NID1: variants seen among roughly 807,000 people sequenced by gnomAD.
NID1 encodes the protein nidogen 1, also known as nidogen-1.
A neutral mutation model predicts 130.6 loss-of-function variants in NID1; 76 were observed. The ratio of observed to expected loss-of-function variants is 0.58; its 90% CI spans 0.48 to 0.70. The LOEUF (loss-of-function observed/expected upper bound fraction) is 0.70, where lower values mean the gene tolerates loss of function less well. Ranked by LOEUF, NID1 falls within the 30% of genes least tolerant of loss-of-function variation. The probability of loss-of-function intolerance (pLI) is 0.00; values close to 1 mark genes in which losing one functional copy is unlikely to be tolerated. For missense variants in NID1, 1,517 were observed against 1,664.8 expected, an observed-to-expected ratio of 0.91 and a Z score of 1.54; for synonymous variants, 665 against 675.1, an observed-to-expected ratio of 0.98 and a Z score of 0.23.
intron 2 of NID1, among the ~76,000 whole-genome samples, chr1:236,046,487 T>A (rs1572618247): frequency 6.6e-6 from 1 of 151,708 alleles, no homozygotes; most frequent in Non-Finnish European, 1.5e-5. Flanking sequence ...CTGTGGTTGG[T>A]CAAGGCCTCA....
At position 235,995,370 on chromosome 1, in the gene NID1, C is replaced by A. The variant is rs1267585715; in HGVS notation, c.2528-1498G>T. ...GACTTGAGTACCTGTGGATTGGTAT[C>A]TTCAGGAACCAATGCCCCGTGGATA... On this transcript the variant is annotated intron_variant, in intron 12 of 19. Coordinates refer to ENST00000264187, the MANE Select transcript of NID1 (RefSeq NM_002508.3). Among the ~76,000 whole-genome samples, 3 of 152,192 alleles carry A rather than the reference C, an allele frequency of 2.0e-5. 1 individual carries two copies. The highest frequency in any genetic ancestry group is 2.0e-4 in the Admixed American group (3 of 15,282).
chr1:236,018,167 C>T (rs564995055), intron 9 of NID1, among the ~76,000 whole-genome samples: 5 of 152,218 alleles, frequency 3.3e-5, no homozygotes, highest in East Asian at 1.9e-4. Flanking sequence ...CATGGGGTAA[C>T]GTGGAGCAAA....
Position 236,033,354 on chromosome 1 carries a change from T to C in NID1, c.1286-702A>G, listed in dbSNP as rs146739546. Among the ~76,000 whole-genome samples, 128 of 152,302 alleles carry C rather than the reference T, an allele frequency of 8.4e-4. 1 individual carries two copies. In the East Asian group the frequency reaches 0.01, roughly 12 times the overall value. On this transcript the variant is annotated intron_variant, in intron 5 of 19. Transcript: ENST00000264187. ...AAGGAGTGTGGAATTGCTCATTTCATTGGGACAGCAAGGCTAACCTGAATG... is the reference window on the plus strand; with the variant it reads ...AAGGAGTGTGGAATTGCTCATTTCACTGGGACAGCAAGGCTAACCTGAATG...
intron 1 of NID1, among the ~76,000 whole-genome samples, chr1:236,063,356 C>T (rs1230530357): frequency 6.6e-6 from 1 of 151,406 alleles, no homozygotes; most frequent in African/African-American, 2.4e-5. Flanking sequence ...TCTGTAATCC[C>T]AGCTACTCAG....
At position 236,013,427 on chromosome 1, in the gene NID1, A is replaced by T. The variant is rs1399386941; in HGVS notation, c.2388T>A (p.Asp796Glu). Reference sequence around the variant, plus strand: ...ACCACACACCTTGGCAGGCTTGGCCATCCCCAGAAAAGCCTGGCAAGCAGG... The same window carrying T: ...ACCACACACCTTGGCAGGCTTGGCCTTCCCCAGAAAAGCCTGGCAAGCAGG... The part of the protein sequence containing the change: ...TCSCLPGFSG[D>E]GQACQDVDEC... Residue 796 changes from aspartate (D) to glutamate (E), a missense_variant, in exon 11 of 20, where the codon GAT becomes GAA. Physicochemically the swap from Asp to Glu is conservative, Grantham distance 45. Transcript: ENST00000264187. The T allele has an allele frequency of 1.2e-6, 2 of 1,613,856 alleles. No individual in the cohort carries two copies. Among genetic ancestry groups the T allele is most frequent in the Non-Finnish European group, 1.7e-6 (2 of 1,180,014 alleles).
At chr1:236,014,939 C>T (rs1373592752) in intron 10 of NID1, among the ~76,000 whole-genome samples, 1 of 152,206 alleles carries the variant, frequency 6.6e-6, no homozygotes, top group East Asian at 1.9e-4. Flanking sequence ...AAAGTTGGTT[C>T]CCAGTGGAAA....
At chr1:236,058,772 C>T (rs1020845498) in intron 1 of NID1, among the ~76,000 whole-genome samples, 1 of 152,146 alleles carries the variant, frequency 6.6e-6, no homozygotes, top group African/African-American at 2.4e-5. Context: ...CTAGGGGGAG[C>T]CTTCTCCAAA....
chr1:236,024,347 C>A (rs775995718), intron 8 of NID1, 134 bp from the exon 9 acceptor site: 37 of 1,049,278 alleles, frequency 3.5e-5, no homozygotes, highest in Non-Finnish European at 4.8e-5. Flanking sequence ...GGGACACCAG[C>A]CAATTCCTGT....
At position 235,977,518 on chromosome 1, in the gene NID1, A is replaced by G. The variant is rs1657299116; in HGVS notation, c.*349T>C. On this transcript the variant is annotated 3_prime_UTR_variant, in exon 20 of 20. Transcript: ENST00000264187. ...CTCATAAGGCCACAGGGAAGGGTGC[A>G]ACTCAAATTTGGGAGGTTCTGTTCA... The G allele has an allele frequency of 5.1e-6, 1 of 194,884 alleles. No individual in the cohort carries two copies. Among genetic ancestry groups the G allele is most frequent in the South Asian group, 1.1e-4 (1 of 9,224 alleles). The allele number at this position is 194,884 out of a possible 1,614,324, so 12.1% of individuals were successfully genotyped here. A position where few individuals can be genotyped will look rare whatever the true frequency, so the allele number is the denominator to read the frequency against.
chr1:235,992,400 C>G (rs139138834), intron 13 of NID1, among the ~76,000 whole-genome samples: 76 of 152,330 alleles, frequency 5.0e-4, no homozygotes, highest in African/African-American at 1.6e-3. Context: ...CTTCTACCCC[C>G]ACAGCCAGTG....
chr1:236,023,906 G>A (rs1297546595), intron 9 of NID1, among the ~76,000 whole-genome samples, 164 bp downstream of exon 9: 5 of 152,156 alleles, frequency 3.3e-5, no homozygotes, highest in South Asian at 2.1e-4. Flanking sequence ...GTTTACCCAC[G>A]GGAACAGTGA....
At chr1:236,031,958 A>T (rs1659112297) in intron 6 of NID1, among the ~76,000 whole-genome samples, 1 of 152,194 alleles carries the variant, frequency 6.6e-6, no homozygotes, top group Admixed American at 6.5e-5. Flanking sequence ...CTTCTCTCTG[A>T]GCAAATCCTG....
chr1:236,038,472 A>G (rs1387059438), intron 4 of NID1, among the ~76,000 whole-genome samples: 1 of 152,132 alleles, frequency 6.6e-6, no homozygotes, highest in Non-Finnish European at 1.5e-5. Context: ...CACTGAGGCA[A>G]ACAGGTCTAA....
At chr1:236,028,903 G>A (rs751743116) in intron 7 of NID1, among the ~76,000 whole-genome samples, 6 of 152,064 alleles carry the variant, frequency 3.9e-5, no homozygotes, top group African/African-American at 9.7e-5. Flanking sequence ...GTGGCCGGGC[G>A]CAGTTGCTCA....
Position 236,029,597 on chromosome 1 carries a change from G to T in NID1, c.1691C>A (p.Ser564Tyr). ...GRVPQIPFGS[S>Y]VHIEPYTELY... is the part of the protein sequence containing the mutation. The stretch of plus-strand genomic sequence containing the variant: ...CTCCGTGTAGGGCTCAATGTGCACG[G>T]AGGAGCCGAACGGAATCTGCGGCAC... The change falls in exon 7 of 20, where the codon TCC becomes TAC. Residue 564 changes from serine to tyrosine, a missense_variant. Transcript: ENST00000264187. 6.3e-7 allele frequency: 1 copy of T among 1,591,108 alleles called. No individual in the cohort carries two copies.
chr1:236,012,463 C>A (rs1392416719), intron 11 of NID1, among the ~76,000 whole-genome samples: 2 of 145,326 alleles, frequency 1.4e-5, no homozygotes, highest in Non-Finnish European at 3.0e-5. Context: ...GAGGCTGAGG[C>A]AGGAGAATTG....
intron 5 of NID1, among the ~76,000 whole-genome samples, chr1:236,034,520 G>C (rs2102833361): frequency 6.6e-6 from 1 of 152,170 alleles, no homozygotes; most frequent in African/African-American, 2.4e-5. Context: ...ATCATGCTAA[G>C]GGAAAGAAGT....
intron 12 of NID1, among the ~76,000 whole-genome samples, chr1:236,002,161 A>G (rs1383487526): frequency 6.6e-6 from 1 of 152,196 alleles, no homozygotes; most frequent in African/African-American, 2.4e-5. Context: ...TGGGACAGAG[A>G]GGAAGAGCAC....
At chr1:236,054,767 G>A (rs374721287) in intron 1 of NID1, among the ~76,000 whole-genome samples, 32 of 150,822 alleles carry the variant, frequency 2.1e-4, no homozygotes, top group East Asian at 2.0e-4. Flanking sequence ...TCAGCCTCCC[G>A]AGTAGCTGGG....
Sources: allele counts gnomAD v4.1 joint callset (sites outside exome capture counted in the v4.1 genomes callset), GRCh38; gene constraint gnomAD v4.1.1; transcripts MANE v1.5; gene names NCBI Gene and HGNC (gene_info 2026-07-23, HGNC 2026-07-21).